The following MYBPC1 variants were observed in gnomAD, a reference collection of about 807,000 sequenced individuals.
MYBPC1 encodes myosin-binding protein C, slow-type.
In MYBPC1, 52 loss-of-function variants were observed where a neutral mutation model predicts 147.1. The observed-to-expected ratio is 0.35, with a 90% CI of 0.28 to 0.45. MYBPC1 has a LOEUF of 0.45. Among genes scored for constraint, MYBPC1 ranks in the 20% least tolerant of loss-of-function variants. The probability of loss-of-function intolerance (pLI) is 1.00; values close to 1 mark genes in which losing one functional copy is unlikely to be tolerated. For missense variants in MYBPC1, 1,228 were observed against 1,440.3 expected (o/e 0.85, Z 2.39); for synonymous variants, 477 against 475.9 (o/e 1.00, Z -0.03).
chr12:101,670,170 C>A, intron 23 of MYBPC1, 151 bp from the exon 24 acceptor site: 1 of 714,408 alleles, frequency 1.4e-6, no homozygotes, highest in Non-Finnish European at 2.6e-6. Context: ...GAACCAGTTA[C>A]TATATATCGT....
intron 22 of MYBPC1, chr12:101,666,821 A>C: frequency 1.9e-6 from 3 of 1,600,992 alleles, no homozygotes; most frequent in Non-Finnish European, 2.6e-6. Flanking sequence ...TGAAGCTCTC[A>C]AATTTTCTTA....
In MYBPC1 at chr12:101,667,763, G is replaced by C; in HGVS notation, c.2388G>C (p.Leu796=). The change falls in exon 23 of 32, where the codon CTG becomes CTC. Residue 796 remains leucine, a synonymous_variant. Coordinates refer to ENST00000361466, the MANE Select transcript of MYBPC1 (RefSeq NM_002465.4). The part of the protein sequence containing the change: ...TEDWIVANKD[L]IDKTKFTITG... ...ACTGGATAGTTGCAAACAAAGATCT[G>C]ATTGACAAGACGAAGTTCACCATCA... The C allele has an allele frequency of 1.2e-6, 2 of 1,614,090 alleles. No individual in the cohort carries two copies. Among genetic ancestry groups the C allele is most frequent in the Non-Finnish European group, 1.7e-6 (2 of 1,180,018 alleles).
intron 16 of MYBPC1, among the ~76,000 whole-genome samples, chr12:101,652,023 T>C (rs1356202155): frequency 1.3e-5 from 2 of 152,212 alleles, no homozygotes; most frequent in African/African-American, 4.8e-5. Context: ...CTCTAACCAA[T>C]AAGTGTCACA....
At position 101,629,555 on chromosome 12, in the gene MYBPC1, A is replaced by AG; in HGVS notation, c.289+12dup. 1 of 1,573,748 alleles carries AG rather than the reference A, an allele frequency of 6.4e-7. No homozygotes were observed. Among genetic ancestry groups the AG allele is most frequent in the Non-Finnish European group, 8.7e-7 (1 of 1,143,626 alleles). ...GAACAGTGAAAGTTGGTGAGTGCCT[A>AG]GCATTCAATCCTTCCTTTTTTAAAA... On this transcript the variant is annotated intron_variant, in intron 6 of 31. Transcript: ENST00000361466.
intron 1 of MYBPC1, among the ~76,000 whole-genome samples, chr12:101,598,858 A>G (rs1472166288): frequency 6.6e-6 from 1 of 152,198 alleles, no homozygotes; most frequent in African/African-American, 2.4e-5. Context: ...CTGAGACTAC[A>G]GGTGTGAGCC....
intron 28 of MYBPC1, 39 bp downstream of exon 28, chr12:101,678,277 C>T (rs368636210): frequency 4.0e-5 from 64 of 1,609,018 alleles, no homozygotes; most frequent in African/African-American, 2.5e-4. Flanking sequence ...AAGTCCCTGT[C>T]TTGTATTTGT....
the MYBPC1 span, among the ~76,000 whole-genome samples, chr12:101,693,920 A>G: frequency 1.3e-5 from 2 of 152,160 alleles, no homozygotes; most frequent in African/African-American, 2.4e-5. Context: ...CCTTCAGAAG[A>G]AAGGAGCATA....
chr12:101,667,921 A>T, intron 23 of MYBPC1, 22 bp downstream of exon 23: 1 of 1,611,584 alleles, frequency 6.2e-7, no homozygotes, highest in South Asian at 1.1e-5. Context: ...GGCTTTCAAA[A>T]GTTAGACTCC....
rs1951315867 is a variant in MYBPC1, at chr12:101,685,748, C to T, written c.*186C>T. 8.3e-7 allele frequency: 1 copy of T among 1,210,070 alleles called. No individual in the cohort carries two copies. The highest frequency in any genetic ancestry group is 2.4e-5 in the Admixed American group (1 of 41,224). The allele number at this position is 1,210,070 out of a possible 1,614,324, so 75.0% of individuals were successfully genotyped here. On this transcript the variant is annotated 3_prime_UTR_variant, in exon 32 of 32. Coordinates refer to ENST00000361466, the MANE Select transcript of MYBPC1 (RefSeq NM_002465.4). ...GAAATCTGGTTGAAATGAGAAAAAGCATTTTCTGTTTTCCCACCAGGCCCC... is the reference window on the plus strand; with the variant it reads ...GAAATCTGGTTGAAATGAGAAAAAGTATTTTCTGTTTTCCCACCAGGCCCC...
At chr12:101,608,650 T>G (rs1404172289) in intron 1 of MYBPC1, among the ~76,000 whole-genome samples, 3 of 152,234 alleles carry the variant, frequency 2.0e-5, no homozygotes. Context: ...TGTTATTTGC[T>G]AAGAAACTGG....
At chr12:101,629,202 T>C in intron 5 of MYBPC1, 1 of 518,958 alleles carries the variant, frequency 1.9e-6, no homozygotes, top group Non-Finnish European at 3.5e-6. Flanking sequence ...CCACTATTTC[T>C]AAGAATTACA....
chr12:101,650,081 A>G (rs993204869), intron 15 of MYBPC1, among the ~76,000 whole-genome samples: 2 of 152,220 alleles, frequency 1.3e-5, no homozygotes, highest in Non-Finnish European at 2.9e-5. Context: ...TACATTCCTT[A>G]TGCTTTATGG....
At chr12:101,635,700 C>T (rs1890848035) in intron 9 of MYBPC1, among the ~76,000 whole-genome samples, 1 of 152,090 alleles carries the variant, frequency 6.6e-6, no homozygotes, top group African/African-American at 2.4e-5. Flanking sequence ...CTTCAAAAGG[C>T]CTGCAAACAC....
At chr12:101,649,234 CTTT>C in intron 14 of MYBPC1, 23 bp from the exon 15 acceptor site, 2 of 1,603,552 alleles carry the variant, frequency 1.2e-6, no homozygotes, top group Non-Finnish European at 1.7e-6. Flanking sequence ...TTTTACAAAC[CTTT>C]TTAATATTTT....
intron 24 of MYBPC1, 86 bp downstream of exon 24, chr12:101,670,495 A>G: frequency 1.7e-6 from 2 of 1,144,274 alleles, no homozygotes; most frequent in Non-Finnish European, 1.3e-6. Flanking sequence ...ATTTAAGTTC[A>G]TCATGATTCA....
chr12:101,614,323 T>TGAGAGA (rs1288757474), intron 1 of MYBPC1, among the ~76,000 whole-genome samples, 173 bp from the exon 2 acceptor site: 3 of 151,498 alleles, frequency 2.0e-5, no homozygotes, highest in African/African-American at 7.3e-5. Flanking sequence ...TGTGTGTGTG[T>TGAGAGA]GTGAGAGAGA....
rs1162571832 is a variant in MYBPC1, at chr12:101,652,692, T to C, written c.1541T>C (p.Val514Ala). ...TGTTTCCTTAGGATCCACAAGTTAG[T>C]GATAGCCAATGCCCTCACTGAAGAT... ...VVHKGRIHKL[V>A]IANALTEDEG... is the part of the protein sequence containing the mutation. The change falls in exon 17 of 32, where the codon GTG becomes GCG. Residue 514 changes from valine (V) to alanine (A), a missense_variant. This residue lies in a region of MYBPC1 where 1,077 missense variants were observed against 1,314.2 expected (regional missense o/e 0.82). Coordinates refer to ENST00000361466, the MANE Select transcript of MYBPC1 (RefSeq NM_002465.4). The C allele has an allele frequency of 6.2e-7, 1 of 1,612,868 alleles. No homozygotes were observed. The highest frequency in any genetic ancestry group is 1.7e-5 in the Admixed American group (1 of 60,024).
intron 11 of MYBPC1, among the ~76,000 whole-genome samples, chr12:101,643,929 T>C (rs11110906): frequency 2.6e-5 from 4 of 152,236 alleles, no homozygotes; most frequent in African/African-American, 9.6e-5. Context: ...TGAATTTATC[T>C]TATAAATTCT....
downstream of MYBPC1, among the ~76,000 whole-genome samples, chr12:101,688,372 T>C (rs1375998933): frequency 6.6e-6 from 1 of 152,028 alleles, no homozygotes; most frequent in Admixed American, 6.6e-5. Context: ...TGAGCAAAGA[T>C]TGCACCACTG....
Sources: allele counts gnomAD v4.1 joint callset (sites outside exome capture counted in the v4.1 genomes callset), GRCh38; gene constraint gnomAD v4.1.1; regional missense constraint gnomAD v4.1.1; transcripts MANE v1.5; gene names NCBI Gene and HGNC (gene_info 2026-07-23, HGNC 2026-07-21).